Variants in PRLR observed in about 807,000 individuals in gnomAD.
PRLR encodes hPRL receptor.
In PRLR, 13 loss-of-function variants were observed where a neutral mutation model predicts 40.2. The ratio of observed to expected loss-of-function variants is 0.32; its 90% CI spans 0.21 to 0.51. The LOEUF (loss-of-function observed/expected upper bound fraction) is 0.51. PRLR is among the 20% of genes least tolerant of loss of function. The pLI, the probability that PRLR is intolerant of heterozygous loss-of-function variation, is 0.97. For missense variants in PRLR, 656 were observed against 747.3 expected (o/e 0.88, Z 1.42); for synonymous variants, 269 against 278.7 (o/e 0.97, Z 0.35).
intron 1 of PRLR, among the ~76,000 whole-genome samples, chr5:35,138,632 A>G (rs1328816160): frequency 6.6e-6 from 1 of 152,246 alleles, no homozygotes; most frequent in African/African-American, 2.4e-5. Context: ...GAATATCTAT[A>G]TACTTATTCT....
At chr5:35,101,033 G>A (rs1012038846) in intron 2 of PRLR, among the ~76,000 whole-genome samples, 5 of 152,154 alleles carry the variant, frequency 3.3e-5, no homozygotes, top group Admixed American at 1.3e-4. Flanking sequence ...TACTGCAGAT[G>A]GTAACTACTA....
At chr5:35,121,686 C>T (rs1269419366) in intron 1 of PRLR, among the ~76,000 whole-genome samples, 1 of 152,072 alleles carries the variant, frequency 6.6e-6, no homozygotes, top group Admixed American at 6.6e-5. Context: ...TTAATGCTCC[C>T]CAAAATCTAT....
chr5:35,195,737 T>G (rs1775717425), intron 1 of PRLR: 1 of 152,234 alleles, frequency 6.6e-6, no homozygotes, highest in Non-Finnish European at 1.5e-5. Flanking sequence ...CAGCCTACTG[T>G]TAATAATTGA....
intron 1 of PRLR, among the ~76,000 whole-genome samples, chr5:35,209,712 T>C (rs543418455): frequency 6.6e-6 from 1 of 152,364 alleles, no homozygotes; most frequent in South Asian, 2.1e-4. Context: ...TGGCACAATA[T>C]TCATTTCCAC....
At chr5:35,097,168 G>A (rs1771585283) in intron 2 of PRLR, among the ~76,000 whole-genome samples, 1 of 151,972 alleles carries the variant, frequency 6.6e-6, no homozygotes. Context: ...TCCAATAGGA[G>A]GCAACTTTAT....
At chr5:35,128,513 TATC>T (rs1773544998) in intron 1 of PRLR, among the ~76,000 whole-genome samples, 1 of 151,796 alleles carries the variant, frequency 6.6e-6, no homozygotes, top group Non-Finnish European at 1.5e-5. Context: ...TTTATTGTAT[TATC>T]ATTTTTTTTC....
At chr5:35,147,413 A>G (rs1317014933) in intron 1 of PRLR, among the ~76,000 whole-genome samples, 1 of 152,182 alleles carries the variant, frequency 6.6e-6, no homozygotes, top group African/African-American at 2.4e-5. Flanking sequence ...TAAACAGCAA[A>G]TTTCTTGCTT....
At chr5:35,083,440 CTCT>C (rs1770646472) in intron 5 of PRLR, among the ~76,000 whole-genome samples, 2 of 134,868 alleles carry the variant, frequency 1.5e-5, no homozygotes, top group African/African-American at 3.6e-5. Context: ...CTCTCTCTTC[CTCT>C]CTCTCTGTGT....
intron 2 of PRLR, among the ~76,000 whole-genome samples, chr5:35,104,804 TG>T (rs35976708): frequency 0.24 from 35,964 of 151,898 alleles, 7,845 homozygotes; most frequent in African/African-American, 0.58. Context: ...CAGGGCATAG[TG>T]GAAAAAAAGG....
chr5:35,171,182 G>A (rs1332838986), intron 1 of PRLR, among the ~76,000 whole-genome samples: 1 of 151,856 alleles, frequency 6.6e-6, no homozygotes, highest in East Asian at 1.9e-4. Context: ...AATTACTGCA[G>A]CAAACACTCC....
intron 1 of PRLR, among the ~76,000 whole-genome samples, chr5:35,131,665 G>A (rs1773683783): frequency 1.3e-5 from 2 of 151,982 alleles, no homozygotes; most frequent in Non-Finnish European, 2.9e-5. Context: ...TCTCTGGGAT[G>A]GCCACTTCCA....
intron 2 of PRLR, among the ~76,000 whole-genome samples, chr5:35,099,927 G>A (rs964404203): frequency 1.3e-5 from 2 of 151,832 alleles, no homozygotes; most frequent in African/African-American, 4.8e-5. Context: ...CTGTAATCCC[G>A]GCACTTTGGG....
At chr5:35,145,004 A>G (rs998017987) in intron 1 of PRLR, among the ~76,000 whole-genome samples, 1 of 152,200 alleles carries the variant, frequency 6.6e-6, no homozygotes, top group African/African-American at 2.4e-5. Flanking sequence ...GGGTGGTGAG[A>G]CAAGTAATGA....
intron 1 of PRLR, among the ~76,000 whole-genome samples, chr5:35,213,377 C>T (rs1046615164): frequency 2.6e-5 from 4 of 152,194 alleles, no homozygotes; most frequent in African/African-American, 7.2e-5. Context: ...TAGGTTATCA[C>T]ACTTGGATTA....
intron 1 of PRLR, among the ~76,000 whole-genome samples, chr5:35,199,727 AGAG>A (rs985097631): frequency 2.0e-5 from 3 of 152,328 alleles, no homozygotes; most frequent in Admixed American, 1.3e-4. Flanking sequence ...GTAAATCTGT[AGAG>A]GAGAGGGAAA....
At chr5:35,227,204 T>C (rs1776575253) in intron 1 of PRLR, among the ~76,000 whole-genome samples, 1 of 152,220 alleles carries the variant, frequency 6.6e-6, no homozygotes, top group Admixed American at 6.5e-5. Flanking sequence ...AAGCACATGT[T>C]CACACCACTT....
intron 1 of PRLR, among the ~76,000 whole-genome samples, chr5:35,208,436 G>A (rs934636629): frequency 1.3e-5 from 2 of 151,972 alleles, no homozygotes; most frequent in Non-Finnish European, 2.9e-5. Flanking sequence ...ACCTGGTTTT[G>A]TTTGTCTATC....
In PRLR at chr5:35,215,866, T is replaced by TAAAA. The variant is rs1212093418; in HGVS notation, c.-106+14398_-106+14401dup. Among the ~76,000 whole-genome samples the TAAAA allele has an allele frequency of 3.7e-3, 327 of 88,874 alleles. 2 individuals are homozygous for TAAAA. The highest frequency in any genetic ancestry group is 0.015 in the African/African-American group (308 of 20,442). The allele number at this position is 88,874 out of a possible 152,430, so 58.3% of individuals were successfully genotyped here. On this transcript the variant is annotated intron_variant, in intron 1 of 9. Coordinates refer to ENST00000618457, the MANE Select transcript of PRLR (RefSeq NM_000949.7). Reference sequence around the variant, plus strand: ...CAACATGGTGAAATCCTGTCTCTACTAAAAAAAAAAAAAAAAAAAAAAAAA... The same window carrying TAAAA: ...CAACATGGTGAAATCCTGTCTCTACTAAAAAAAAAAAAAAAAAAAAAAAAAAAAA...
chr5:35,076,442 T>C lies in PRLR; in HGVS notation c.374-3698A>G, dbSNP rs566704568. Among the ~76,000 whole-genome samples the C allele has an allele frequency of 2.0e-5, 3 of 152,196 alleles. No homozygotes were observed. In the South Asian group the frequency reaches 6.2e-4, roughly 32 times the overall value. On this transcript the variant is annotated intron_variant, in intron 5 of 9. Transcript: ENST00000618457. Reference sequence around the variant, plus strand: ...ATTTGTTCAAGTGGAAGAAAGGGTATCAGTGATTGAAGATAAAATGAATGA... The same window carrying C: ...ATTTGTTCAAGTGGAAGAAAGGGTACCAGTGATTGAAGATAAAATGAATGA...
Sources: gnomAD v4.1 joint callset for allele counts (sites outside exome capture counted in the v4.1 genomes callset) on GRCh38, gnomAD v4.1.1 for gene constraint, MANE v1.5 for transcripts, NCBI Gene and HGNC (gene_info 2026-07-23, HGNC 2026-07-21) for gene names.